GALK2: variants seen among roughly 807,000 people sequenced by gnomAD.
The protein encoded by GALK2 is N-acetylgalactosamine kinase.
Under a neutral mutation model 52.4 loss-of-function variants are expected in GALK2, and 36 were observed. The ratio of observed to expected loss-of-function variants is 0.69; its 90% CI spans 0.53 to 0.91. The LOEUF (loss-of-function observed/expected upper bound fraction) is 0.91, where lower values mean the gene tolerates loss of function less well. Ranked by LOEUF, GALK2 falls within the 40% of genes least tolerant of loss-of-function variation. The probability of loss-of-function intolerance (pLI) is 0.00; values close to 1 mark genes in which losing one functional copy is unlikely to be tolerated. For missense variants in GALK2, 579 were observed against 559.1 expected, an observed-to-expected ratio of 1.04 and a Z score of -0.36; for synonymous variants, 176 against 199.1, an observed-to-expected ratio of 0.88 and a Z score of 0.98.
chr15:49,256,271 A>T (rs1160074594), intron 5 of GALK2, among the ~76,000 whole-genome samples: 1 of 152,196 alleles, frequency 6.6e-6, no homozygotes, highest in Non-Finnish European at 1.5e-5. Context: ...GATCAGTAGT[A>T]TATATAACTG....
At chr15:49,233,440 A>G (rs2141469477) in intron 3 of GALK2, among the ~76,000 whole-genome samples, 1 of 152,330 alleles carries the variant, frequency 6.6e-6, no homozygotes, top group African/African-American at 2.4e-5. Flanking sequence ...TCCAAATTAT[A>G]TCACAGTTCT....
At position 49,170,328 on chromosome 15, in the gene GALK2, T is replaced by C; in HGVS notation, c.6T>C (p.Ala2=). The change falls in exon 1 of 10, where the codon GCT becomes GCC. Residue 2 remains alanine (A), a synonymous_variant. Coordinates refer to ENST00000560031, the MANE Select transcript of GALK2 (RefSeq NM_002044.4). ...AAAGAAGGATCTAGCGAAATATGGC[T>C]ACAGAGAGCCCTGCTACGCGTCGGG... is the stretch of plus-strand genomic sequence containing the variant. M[A]TESPATRRVQ... 2 of 1,588,930 alleles carry C rather than the reference T, an allele frequency of 1.3e-6. No individual in the cohort carries two copies. Among genetic ancestry groups the C allele is most frequent in the Non-Finnish European group, 1.7e-6 (2 of 1,167,674 alleles).
intron 1 of GALK2, among the ~76,000 whole-genome samples, chr15:49,173,798 A>G (rs1417720644): frequency 6.6e-6 from 1 of 152,014 alleles, no homozygotes; most frequent in Non-Finnish European, 1.5e-5. Flanking sequence ...GCTGGAGTGC[A>G]GTGGCACTAT....
rs1250671902 is a variant in GALK2, at chr15:49,255,324, A to C, written c.504+15957A>C. On this transcript the variant is annotated intron_variant, in intron 5 of 9. Coordinates refer to ENST00000560031, the MANE Select transcript of GALK2 (RefSeq NM_002044.4). Reference sequence around the variant, plus strand: ...AAGGAATTAAATACTACTCATAATAATACTCAGTTTTACCAATAATTGGAT... The same window carrying C: ...AAGGAATTAAATACTACTCATAATACTACTCAGTTTTACCAATAATTGGAT... Among the ~76,000 whole-genome samples the C allele has an allele frequency of 3.0e-4, 43 of 143,560 alleles. 10 individuals carry two copies. The highest frequency in any genetic ancestry group is 3.1e-5 in the Non-Finnish European group (2 of 63,888). The allele number at this position is 143,560 out of a possible 152,430, so 94.2% of individuals were successfully genotyped here.
At chr15:49,257,017 C>T (rs1392751901) in intron 5 of GALK2, among the ~76,000 whole-genome samples, 1 of 152,062 alleles carries the variant, frequency 6.6e-6, no homozygotes, top group Non-Finnish European at 1.5e-5. Flanking sequence ...AGGATTTATT[C>T]ATTTATCCAC....
At chr15:49,177,093 TATTG>T (rs1311823541) in intron 1 of GALK2, among the ~76,000 whole-genome samples, 2 of 151,924 alleles carry the variant, frequency 1.3e-5, no homozygotes, top group Non-Finnish European at 2.9e-5. Flanking sequence ...TTATTTCTAG[TATTG>T]ATTATGTTTA....
chr15:49,269,117 G>C (rs2029948363), intron 5 of GALK2, among the ~76,000 whole-genome samples: 1 of 152,214 alleles, frequency 6.6e-6, no homozygotes, highest in African/African-American at 2.4e-5. Context: ...TTCTAGGTCA[G>C]CTTTTTGCCT....
At chr15:49,365,272 G>T (rs761468059) in intron 3 of GALK2, 15 of 1,376,328 alleles carry the variant, frequency 1.1e-5, no homozygotes, top group Non-Finnish European at 1.6e-5. Flanking sequence ...TAATAAGTGT[G>T]CAAGTTACTA....
At position 49,366,305 on chromosome 15, in the gene GALK2, C is replaced by G; in HGVS notation, c.427-1186C>G. 5.1e-6 allele frequency: 4 copies of G among 787,774 alleles called. No homozygotes were observed. The South Asian group carries it at 5.4e-5, about 11-fold the overall frequency. 48.8% of individuals were successfully genotyped at this position (787,774 alleles called of 1,614,324 possible). A position where few individuals can be genotyped will look rare whatever the true frequency, so the allele number is the denominator to read the frequency against. ...TATTTTCACATCAGGAAATTCAGATCTGTTACCTGAGGTAGGAAATAGGAT... is the reference window on the plus strand; with the variant it reads ...TATTTTCACATCAGGAAATTCAGATGTGTTACCTGAGGTAGGAAATAGGAT... On this transcript the variant is annotated intron_variant, in intron 3 of 3. Coordinates refer to the GALK2 transcript ENST00000558399.
intron 3 of GALK2, among the ~76,000 whole-genome samples, chr15:49,346,129 G>T (rs2041464708): frequency 6.6e-6 from 1 of 150,900 alleles, no homozygotes. Context: ...CTGGCTGCTT[G>T]ATAGATACCA....
At chr15:49,165,800 C>CTTTTTTTTTTTTTT (rs552058665), upstream of GALK2, among the ~76,000 whole-genome samples, 2 of 134,722 alleles carry the variant, frequency 1.5e-5, no homozygotes, top group Non-Finnish European at 3.2e-5. Context: ...TAATGTATTT[C>CTTTTTTTTTTTTTT]TTTTTTTTTT....
chr15:49,299,754 T>TCTTTC (rs2034881598), intron 8 of GALK2, among the ~76,000 whole-genome samples: 1 of 138,494 alleles, frequency 7.2e-6, no homozygotes, highest in African/African-American at 2.9e-5. Flanking sequence ...TTTCTTTCTT[T>TCTTTC]CTTTCTTTCT....
chr15:49,282,063 C>T lies in GALK2; in HGVS notation c.581C>T (p.Ser194Leu), dbSNP rs1377154838. Reference protein sequence around the residue: ...TEGGGMDQSISFLAEEGTAKL... With the variant: ...TEGGGMDQSILFLAEEGTAKL... ...GGAGGAGGCATGGACCAGTCTATATCATTTCTTGCAGAAGAAGGAACTGTA... is the reference window on the plus strand; with the variant it reads ...GGAGGAGGCATGGACCAGTCTATATTATTTCTTGCAGAAGAAGGAACTGTA... The change falls in exon 6 of 10, where the codon TCA (serine) becomes TTA (leucine). Residue 194 changes from serine (S) to leucine (L), a missense_variant. By Grantham distance (145) the Ser-to-Leu change is moderately radical. Transcript: ENST00000560031. The T allele has an allele frequency of 1.2e-6, 2 of 1,612,800 alleles. No homozygotes were observed. Among genetic ancestry groups the T allele is most frequent in the Non-Finnish European group, 1.7e-6 (2 of 1,178,960 alleles).
chr15:49,232,254 G>A (rs1011933239), intron 3 of GALK2, among the ~76,000 whole-genome samples: 1 of 152,224 alleles, frequency 6.6e-6, no homozygotes, highest in Non-Finnish European at 1.5e-5. Context: ...ACATTCTGAA[G>A]CAGCAGCCTG....
chr15:49,326,921 A>T (rs1268054151), intron 9 of GALK2: 1 of 152,182 alleles, frequency 6.6e-6, no homozygotes, highest in Non-Finnish European at 1.5e-5. Context: ...ATGTCCAGGA[A>T]GTAAAATATC....
At chr15:49,156,337 C>T (rs1412932983) in intron 1 of GALK2, 5 of 409,024 alleles carry the variant, frequency 1.2e-5, no homozygotes, top group African/African-American at 6.2e-5. Flanking sequence ...ATGGGGGCTG[C>T]GGTGACTCGC....
At chr15:49,360,261 T>C (rs1596517903) in intron 3 of GALK2, among the ~76,000 whole-genome samples, 1 of 151,518 alleles carries the variant, frequency 6.6e-6, no homozygotes, top group Non-Finnish European at 1.5e-5. Context: ...AAAGTCTGTG[T>C]ATGCATGTGT....
intron 1 of GALK2, among the ~76,000 whole-genome samples, chr15:49,187,525 C>T (rs1566916970): frequency 1.3e-5 from 2 of 152,188 alleles, no homozygotes; most frequent in Non-Finnish European, 2.9e-5. Context: ...TGAGCTCCCC[C>T]TAAGCCCAGG....
intron 8 of GALK2, among the ~76,000 whole-genome samples, chr15:49,302,966 A>C (rs1297739129): frequency 6.6e-6 from 1 of 152,226 alleles, no homozygotes; most frequent in Non-Finnish European, 1.5e-5. Flanking sequence ...CTTTCACACA[A>C]AAGATATTAT....
Sources: gnomAD v4.1 joint callset for allele counts (sites outside exome capture counted in the v4.1 genomes callset) on GRCh38, gnomAD v4.1.1 for gene constraint, MANE v1.5 for transcripts, NCBI Gene and HGNC (gene_info 2026-07-23, HGNC 2026-07-21) for gene names.